Variants in RIOK1 observed in about 807,000 individuals in gnomAD.
RIOK1 encodes serine/threonine-protein kinase RIO1.
Under a neutral mutation model 73.5 loss-of-function variants are expected in RIOK1, and 66 were observed. The ratio of observed to expected loss-of-function variants is 0.90; its 90% confidence interval spans 0.74 to 1.10. The LOEUF is 1.10. Among genes scored for constraint, RIOK1 ranks in the 50% least tolerant of loss-of-function variants. The pLI is 0.00. For synonymous variants in RIOK1, 224 were observed against 226.8 expected (o/e 0.99, Z 0.11); for missense variants, 658 against 699.8 (o/e 0.94, Z 0.67).
intron 9 of RIOK1, 22 bp from the exon 10 acceptor site, chr6:7,404,396 A>G: frequency 5.0e-6 from 8 of 1,613,230 alleles, no homozygotes; most frequent in South Asian, 1.1e-5. Context: ...TGGTCATTTT[A>G]TCTTAGTTCT....
chr6:7,403,269 C>T (rs541247330), intron 8 of RIOK1, among the ~76,000 whole-genome samples: 1 of 152,314 alleles, frequency 6.6e-6, no homozygotes, highest in East Asian at 1.9e-4. Flanking sequence ...GGTTATAATG[C>T]TCTGTCATGT....
At chr6:7,391,125 T>C (rs906227435) in intron 1 of RIOK1, among the ~76,000 whole-genome samples, 1 of 152,164 alleles carries the variant, frequency 6.6e-6, no homozygotes, top group Non-Finnish European at 1.5e-5. Flanking sequence ...AGAAAACAGC[T>C]TGTACTTTAT....
chr6:7,401,073 G>A (rs1299316423), intron 6 of RIOK1, 23 bp downstream of exon 6: 1 of 1,450,918 alleles, frequency 6.9e-7, no homozygotes, highest in African/African-American at 1.4e-5. Context: ...TTGGATGATT[G>A]GATATTTAAT....
intron 6 of RIOK1, among the ~76,000 whole-genome samples, chr6:7,401,732 G>C (rs565706080): frequency 2.8e-4 from 38 of 135,366 alleles, no homozygotes; most frequent in South Asian, 2.5e-4. Flanking sequence ...AGGCTAGAGT[G>C]TGGTGGCATG....
In RIOK1 at chr6:7,395,281, A is replaced by C. The variant is rs1387361812; in HGVS notation, c.367+138A>C. ...GTAATCCCGGCACTTTGGGAGGCTG[A>C]AGTGGGTGGATCACCTGAGGTCAGG... On this transcript the variant is annotated intron_variant, in intron 3 of 16. Transcript: ENST00000379834. 1.2e-5 allele frequency: 10 copies of C among 851,536 alleles called. 1 individual carries two copies. The highest frequency in any genetic ancestry group is 1.8e-5 in the Non-Finnish European group (10 of 548,510). The allele number at this position is 851,536 out of a possible 1,614,324, so 52.7% of individuals were successfully genotyped here. A position where few individuals can be genotyped will look rare whatever the true frequency, so the allele number is the denominator to read the frequency against.
Position 7,417,517 on chromosome 6 carries a change from A to G in RIOK1, c.*76A>G. 1 of 893,206 alleles carries G rather than the reference A, an allele frequency of 1.1e-6. No individual in the cohort carries two copies. Among genetic ancestry groups the G allele is most frequent in the South Asian group, 1.8e-5 (1 of 56,712 alleles). The allele number at this position is 893,206 out of a possible 1,614,324, so 55.3% of individuals were successfully genotyped here. On this transcript the variant is annotated 3_prime_UTR_variant, in exon 17 of 17. Transcript: ENST00000379834. ...TGAACTCTTAAGCTGCATCTGGAAG[A>G]TGGCTTATTGGTTTTAACCAGATTG...
In RIOK1 at chr6:7,410,435, A is replaced by T; in HGVS notation, c.1253A>T (p.Asp418Val). ...ACCAAGGAAGAACGGTCTAGCCAAG[A>T]TCATGTGGATGAAGAGGTAGGATTT... ...QRTKEERSSQDHVDEEVFKRA... is the reference protein window; with the variant it reads ...QRTKEERSSQVHVDEEVFKRA... Residue 418 changes from aspartate to valine, a missense_variant, in exon 13 of 17, where the codon GAT becomes GTT. Coordinates refer to ENST00000379834, the MANE Select transcript of RIOK1 (RefSeq NM_031480.3). 1 of 1,610,986 alleles carries T rather than the reference A, an allele frequency of 6.2e-7. No homozygotes were observed. The highest frequency in any genetic ancestry group is 8.5e-7 in the Non-Finnish European group (1 of 1,177,448).
chr6:7,393,348 G>A (rs765344963), intron 2 of RIOK1, 45 bp downstream of exon 2: 2 of 1,517,470 alleles, frequency 1.3e-6, no homozygotes, highest in South Asian at 1.1e-5. Flanking sequence ...GTCTGCTTAT[G>A]TCTACTTTTT....
At chr6:7,414,171 T>C (rs1761947050) in intron 15 of RIOK1, 67 bp from the exon 16 acceptor site, 1 of 1,462,876 alleles carries the variant, frequency 6.8e-7, no homozygotes, top group East Asian at 2.3e-5. Context: ...CATTAACACA[T>C]TTAACAACAA....
Position 7,405,461 on chromosome 6 carries a change from A to G in RIOK1, c.1203+106A>G. 8.8e-6 allele frequency: 6 copies of G among 680,470 alleles called. No homozygotes were observed. The South Asian group carries it at 1.1e-4, about 13-fold the overall frequency. The allele number at this position is 680,470 out of a possible 1,614,324, so 42.2% of individuals were successfully genotyped here. A position where few individuals can be genotyped will look rare whatever the true frequency, so the allele number is the denominator to read the frequency against. The stretch of plus-strand genomic sequence containing the variant: ...GTGTTTTGGATTTTGGATTTTTTCC[A>G]GTTTTGAAATATCTGCCTTGTACTT... On this transcript the variant is annotated intron_variant, in intron 12 of 16. Coordinates refer to ENST00000379834, the MANE Select transcript of RIOK1 (RefSeq NM_031480.3).
In RIOK1 at chr6:7,411,370, A is replaced by C; in HGVS notation, c.1308A>C (p.Glu436Asp). ...KRAYIPRTLN[E>D]VKNYERDMDI... ...CATATATTCCTAGAACCTTGAATGAAGTGAAAAATTATGAGAGGGATATGG... is the reference window on the plus strand; with the variant it reads ...CATATATTCCTAGAACCTTGAATGACGTGAAAAATTATGAGAGGGATATGG... Residue 436 changes from glutamate to aspartate, a missense_variant, in exon 14 of 17, where the codon GAA becomes GAC. Coordinates refer to ENST00000379834, the MANE Select transcript of RIOK1 (RefSeq NM_031480.3). 6.2e-7 allele frequency: 1 copy of C among 1,614,056 alleles called. No homozygotes were observed. The highest frequency in any genetic ancestry group is 1.1e-5 in the South Asian group (1 of 91,086).
At chr6:7,395,011 G>A (rs368392943) in intron 2 of RIOK1, 42 bp from the exon 3 acceptor site, 1 of 1,609,070 alleles carries the variant, frequency 6.2e-7, no homozygotes, top group African/African-American at 1.3e-5. Context: ...TCTTAGGTTT[G>A]TTTTTACAGC....
chr6:7,416,648 A>G (rs546675580), intron 16 of RIOK1, among the ~76,000 whole-genome samples: 190 of 151,638 alleles, frequency 1.3e-3, no homozygotes, highest in Middle Eastern at 6.8e-3. Context: ...CGTCTCAAAA[A>G]AAAAAAAAAA....
intron 3 of RIOK1, among the ~76,000 whole-genome samples, chr6:7,395,813 G>A (rs1761461357): frequency 6.6e-6 from 1 of 151,586 alleles, no homozygotes; most frequent in African/African-American, 2.4e-5. Flanking sequence ...GGGTTCAGAC[G>A]ATCCTCCCAC....
Position 7,413,328 on chromosome 6 carries a change from T to C in RIOK1, c.1443+386T>C, listed in dbSNP as rs529208996. On this transcript the variant is annotated intron_variant, in intron 15 of 16. Transcript: ENST00000379834. ...ATGTAGTCTCCTACCAGGGTATTAC[T>C]TGTTAAAGAACAATCTCATGAGTTC... Among the ~76,000 whole-genome samples, 15 of 152,328 alleles carry C rather than the reference T, an allele frequency of 9.8e-5. No homozygotes were observed. The South Asian group carries it at 3.1e-3, about 32-fold the overall frequency.
At chr6:7,416,257 C>T (rs928429858) in intron 16 of RIOK1, among the ~76,000 whole-genome samples, 4 of 152,236 alleles carry the variant, frequency 2.6e-5, no homozygotes, top group Non-Finnish European at 5.9e-5. Context: ...TTTCCAATGT[C>T]TATTTCTGTT....
chr6:7,409,215 G>T (rs1156795183), intron 12 of RIOK1, among the ~76,000 whole-genome samples: 7 of 1,928 alleles, frequency 3.6e-3, no homozygotes, highest in South Asian at 9.1e-3. Context: ...CCGACTAATT[G>T]TGTGTGTGTG....
intron 9 of RIOK1, 58 bp from the exon 10 acceptor site, chr6:7,404,360 T>C (rs1456931448): frequency 4.4e-6 from 7 of 1,591,130 alleles, no homozygotes; most frequent in African/African-American, 1.3e-5. Flanking sequence ...TGTAACAGTA[T>C]AGTAAGAAGC....
At chr6:7,391,354 G>A (rs1404573066) in intron 1 of RIOK1, among the ~76,000 whole-genome samples, 1 of 152,132 alleles carries the variant, frequency 6.6e-6, no homozygotes, top group Non-Finnish European at 1.5e-5. Flanking sequence ...TGGGTAAGTA[G>A]TACAAAGGAG....
Sources: allele counts gnomAD v4.1 joint callset (sites outside exome capture counted in the v4.1 genomes callset), GRCh38; gene constraint gnomAD v4.1.1; transcripts MANE v1.5; gene names NCBI Gene and HGNC (gene_info 2026-07-23, HGNC 2026-07-21).